MYO9B: variants seen among roughly 807,000 people sequenced by gnomAD.
The protein encoded by MYO9B is unconventional myosin-IXb.
MYO9B carries 71 observed loss-of-function variants against 229.5 expected under a neutral mutation model. That is an observed-to-expected ratio of 0.31 (90% CI 0.26 to 0.38). MYO9B has a LOEUF of 0.38. Ranked by LOEUF, MYO9B falls within the 10% of genes least tolerant of loss-of-function variation. The pLI is 1.00. For synonymous variants in MYO9B, 1,185 were observed against 1,235.8 expected, an observed-to-expected ratio of 0.96 and a Z score of 0.86; for missense variants, 2,255 against 2,920.5, an observed-to-expected ratio of 0.77 and a Z score of 5.25.
chr19:17,087,381 G>T (rs781669806), intron 1 of MYO9B, among the ~76,000 whole-genome samples: 1 of 152,182 alleles, frequency 6.6e-6, no homozygotes, highest in East Asian at 1.9e-4. Flanking sequence ...AACTGAACAC[G>T]TTCAGAAGAA....
At chr19:17,173,057 G>C in intron 13 of MYO9B, 94 bp downstream of exon 13, 2 of 1,411,730 alleles carry the variant, frequency 1.4e-6, no homozygotes, top group Non-Finnish European at 1.9e-6. Context: ...GTGGCATTTA[G>C]TACATTCATT....
intron 1 of MYO9B, among the ~76,000 whole-genome samples, chr19:17,095,175 G>A (rs575986544): frequency 1.1e-3 from 173 of 152,216 alleles, no homozygotes; most frequent in Middle Eastern, 6.8e-3. Context: ...CCCAGGACGT[G>A]AAGGTTACAG....
At chr19:17,133,022 A>G (rs1374577337) in intron 2 of MYO9B, among the ~76,000 whole-genome samples, 1 of 151,122 alleles carries the variant, frequency 6.6e-6, no homozygotes, top group East Asian at 1.9e-4. Context: ...AATTTTTTGT[A>G]TTTTTGGTAG....
At chr19:17,153,872 G>C in intron 4 of MYO9B, 95 bp from the exon 5 acceptor site, 1 of 855,270 alleles carries the variant, frequency 1.2e-6, no homozygotes, top group East Asian at 2.4e-5. Context: ...ACATATTTGA[G>C]GTGTGCTCTC....
Position 17,212,368 on chromosome 19 carries a change from G to A in MYO9B, c.*58G>A, listed in dbSNP as rs562136835. On this transcript the variant is annotated 3_prime_UTR_variant, in exon 40 of 40. Transcript: ENST00000682292. This position sits in a 1 kb window ranked among gnomAD's most constrained non-coding sequence, Gnocchi z 5.4. ...GACGGCCCCTGCACTGGAGCTGGGC[G>A]CCAGAGCTGCAGAGCTAGTGTTCGG... 29 of 1,400,866 alleles carry A rather than the reference G, an allele frequency of 2.1e-5. No individual in the cohort carries two copies. Among genetic ancestry groups the A allele is most frequent in the Admixed American group, 1.3e-4 (4 of 31,618 alleles). The allele number at this position is 1,400,866 out of a possible 1,614,324, so 86.8% of individuals were successfully genotyped here.
chr19:17,126,687 C>T (rs576719723), intron 2 of MYO9B, among the ~76,000 whole-genome samples: 4 of 140,996 alleles, frequency 2.8e-5, no homozygotes, highest in Admixed American at 7.4e-5. Flanking sequence ...TTTTTTGAGA[C>T]GGAGTCTCGC....
intron 17 of MYO9B, among the ~76,000 whole-genome samples, chr19:17,185,373 CA>C (rs200070053): frequency 4.1e-3 from 445 of 107,496 alleles, no homozygotes; most frequent in African/African-American, 7.0e-3. Context: ...GACTCCATCT[CA>C]AAAAAAAAAA....
chr19:17,104,278 G>T (rs965973460), intron 2 of MYO9B, among the ~76,000 whole-genome samples: 1 of 152,132 alleles, frequency 6.6e-6, no homozygotes. Context: ...CGGGGAGGGG[G>T]CTGCCTAGTT....
At chr19:17,096,241 G>A (rs561897566) in intron 1 of MYO9B, among the ~76,000 whole-genome samples, 2 of 152,256 alleles carry the variant, frequency 1.3e-5, no homozygotes, top group Admixed American at 1.3e-4. Context: ...CTCAGTTTGG[G>A]ACTCTCAGAA....
At chr19:17,188,199 C>T (rs1282006008) in intron 19 of MYO9B, among the ~76,000 whole-genome samples, 154 bp downstream of exon 19, 2 of 152,028 alleles carry the variant, frequency 1.3e-5, no homozygotes, top group African/African-American at 4.8e-5. Flanking sequence ...GAGGCTGAGG[C>T]AGGCGGATCA....
intron 1 of MYO9B, among the ~76,000 whole-genome samples, chr19:17,078,654 G>A (rs192365015): frequency 5.1e-4 from 78 of 152,294 alleles, no homozygotes; most frequent in Middle Eastern, 3.4e-3. Context: ...CAAGCTTTAG[G>A]ACAAGGGGGA....
At chr19:17,199,700 CTTTT>C (rs59510773) in intron 24 of MYO9B, among the ~76,000 whole-genome samples, 11 of 68,810 alleles carry the variant, frequency 1.6e-4, no homozygotes, top group African/African-American at 2.1e-4. Flanking sequence ...CTTTTTTTTT[CTTTT>C]TTTTTTTTTT....
At position 17,194,992 on chromosome 19, in the gene MYO9B, A is replaced by G. The variant is rs753920163; in HGVS notation, c.3565A>G (p.Ser1189Gly). ...SRRVTQEQGV[S>G]LLEDKKESRE... The stretch of plus-strand genomic sequence containing the variant: ...AAGGGTCACCCAGGAGCAAGGGGTG[A>G]GTCTCCTGGAAGACAAAAAGGAGAG... The change falls in exon 22 of 40, where the codon AGT (serine) becomes GGT (glycine). Residue 1189 changes from serine to glycine, a missense_variant. Physicochemically the swap from Ser to Gly is moderately conservative, Grantham distance 56 (BLOSUM62 0). Transcript: ENST00000682292. The G allele has an allele frequency of 6.2e-7, 1 of 1,613,176 alleles. No homozygotes were observed. The highest frequency in any genetic ancestry group is 2.2e-5 in the East Asian group (1 of 44,882).
In MYO9B at chr19:17,197,814, A is replaced by G; in HGVS notation, c.4069A>G (p.Thr1357Ala). 6.2e-7 allele frequency: 1 copy of G among 1,613,800 alleles called. No homozygotes were observed. Among genetic ancestry groups the G allele is most frequent in the Non-Finnish European group, 8.5e-7 (1 of 1,179,884 alleles). The change falls in exon 23 of 40, where the codon ACG (threonine) becomes GCG (alanine). Residue 1357 changes from threonine to alanine, a missense_variant. Transcript: ENST00000682292. Reference sequence around the variant, plus strand: ...CAGGGAGAGGCGCACCTCCTTCTCCACGAGCGACGTCTCCAAGCTCCTCCC... The same window carrying G: ...CAGGGAGAGGCGCACCTCCTTCTCCGCGAGCGACGTCTCCAAGCTCCTCCC... Reference protein sequence around the residue: ...PTEERRTSFSTSDVSKLLPSL... With the variant: ...PTEERRTSFSASDVSKLLPSL...
At chr19:17,141,328 C>T (rs887597188) in intron 2 of MYO9B, among the ~76,000 whole-genome samples, 2 of 152,156 alleles carry the variant, frequency 1.3e-5, no homozygotes, top group South Asian at 2.1e-4. Context: ...CTCGCTCTCT[C>T]CTATCCCCTG....
intron 20 of MYO9B, among the ~76,000 whole-genome samples, chr19:17,192,302 G>T (rs1005484968): frequency 4.1e-5 from 6 of 147,610 alleles, no homozygotes; most frequent in African/African-American, 7.5e-5. Context: ...AAAAAAAAAG[G>T]GGGGGCCACA....
At chr19:17,107,576 G>C (rs1483485932) in intron 2 of MYO9B, among the ~76,000 whole-genome samples, 1 of 152,232 alleles carries the variant, frequency 6.6e-6, no homozygotes, top group Non-Finnish European at 1.5e-5. Flanking sequence ...CTGGAGGCCA[G>C]AAGTCTGAAA....
In MYO9B at chr19:17,211,717, A is replaced by ACGT. The variant is rs1175322333; in HGVS notation, c.6004_6006dup (p.Ser2002dup). The stretch of plus-strand genomic sequence containing the variant: ...GGACGAGGAGAACCTGGACTCGGAG[A>ACGT]CGTCGGCCAGCACCGAGAGCCTGCT... On this transcript the variant is annotated inframe_insertion, in exon 39 of 40. Coordinates refer to ENST00000682292, the MANE Select transcript of MYO9B (RefSeq NM_004145.4). The ACGT allele has an allele frequency of 1.2e-6, 2 of 1,611,706 alleles. No individual in the cohort carries two copies. The highest frequency in any genetic ancestry group is 3.3e-5 in the Admixed American group (2 of 59,804).
chr19:17,177,286 GTT>G (rs796290437), intron 14 of MYO9B, among the ~76,000 whole-genome samples: 14 of 132,738 alleles, frequency 1.1e-4, no homozygotes, highest in Admixed American at 3.0e-4. Context: ...TTGTTTGTTG[GTT>G]TTTTTTTTTT....
Sources: gnomAD v4.1 joint callset for allele counts (sites outside exome capture counted in the v4.1 genomes callset) on GRCh38, gnomAD v4.1.1 for gene constraint, Gnocchi (gnomAD v3.1) non-coding constraint, MANE v1.5 for transcripts, NCBI Gene and HGNC (gene_info 2026-07-23, HGNC 2026-07-21) for gene names.